The following IMMP2L variants were observed in gnomAD, a reference collection of about 807,000 sequenced individuals.
The protein encoded by IMMP2L is inner mitochondrial membrane peptidase subunit 2, also known as mitochondrial inner membrane protease subunit 2.
A neutral mutation model predicts 19.3 loss-of-function variants in IMMP2L; 18 were observed. That is an observed-to-expected ratio of 0.93 (90% CI 0.64 to 1.38). IMMP2L has a LOEUF of 1.38. Among genes scored for constraint, IMMP2L ranks in the 40% most tolerant of loss-of-function variants. The probability of loss-of-function intolerance (pLI) is 0.00; values close to 1 mark genes in which losing one functional copy is unlikely to be tolerated. For missense variants in IMMP2L, 233 were observed against 218.2 expected (o/e 1.07, Z -0.43); for synonymous variants, 76 against 73.0 (o/e 1.04, Z -0.21).
intron 3 of IMMP2L, among the ~76,000 whole-genome samples, chr7:111,090,449 C>G (rs559948322): frequency 6.6e-6 from 1 of 151,934 alleles, no homozygotes; most frequent in South Asian, 2.1e-4. Flanking sequence ...ATATGTAGCT[C>G]CTAGATTTAT....
At chr7:111,224,774 G>A (rs144632217) in intron 3 of IMMP2L, among the ~76,000 whole-genome samples, 5 of 152,236 alleles carry the variant, frequency 3.3e-5, no homozygotes, top group African/African-American at 1.2e-4. Context: ...GCACTGGTGG[G>A]AGAACTGCTA....
chr7:111,455,355 C>A (rs1484961417), intron 3 of IMMP2L, among the ~76,000 whole-genome samples: 1 of 151,680 alleles, frequency 6.6e-6, no homozygotes, highest in South Asian at 2.1e-4. Flanking sequence ...GATACCCATT[C>A]TTTTTACATT....
intron 1 of IMMP2L, among the ~76,000 whole-genome samples, chr7:111,545,322 A>AT (rs1848829199): frequency 6.6e-6 from 1 of 152,130 alleles, no homozygotes; most frequent in Admixed American, 6.6e-5. Flanking sequence ...GGCCATTTGT[A>AT]TATTTTCTTT....
chr7:110,784,415 T>C (rs1274635750), intron 5 of IMMP2L, among the ~76,000 whole-genome samples: 2 of 151,906 alleles, frequency 1.3e-5, no homozygotes, highest in African/African-American at 4.8e-5. Flanking sequence ...TCAAGACCTT[T>C]CATCTTCCAA....
intron 3 of IMMP2L, among the ~76,000 whole-genome samples, chr7:111,146,705 T>TA (rs1266233920): frequency 2.6e-5 from 4 of 151,894 alleles, no homozygotes; most frequent in Non-Finnish European, 4.4e-5. Context: ...AAAAAGATGT[T>TA]AAAAAAATAT....
In IMMP2L at chr7:111,485,426, G is replaced by A. The variant is rs369361345; in HGVS notation, c.239+1812C>T. 3.1e-4 allele frequency among the ~76,000 whole-genome samples: 47 copies of A among 151,498 alleles called. 1 individual carries two copies. Among genetic ancestry groups the A allele is most frequent in the African/African-American group, 9.9e-4 (41 of 41,326 alleles). On this transcript the variant is annotated intron_variant, in intron 3 of 5. Transcript: ENST00000405709. ...CATCGTGGCTAACACGGTGAAACCC[G>A]TCTCTACTAAAAATACAAAAAATTA...
At chr7:111,286,146 A>C (rs925780483) in intron 3 of IMMP2L, among the ~76,000 whole-genome samples, 2 of 152,162 alleles carry the variant, frequency 1.3e-5, no homozygotes, top group African/African-American at 4.8e-5. Context: ...ATAATAAGAG[A>C]AGAAGATGGA....
chr7:111,338,666 T>C (rs1351696498), intron 3 of IMMP2L, among the ~76,000 whole-genome samples: 1 of 152,110 alleles, frequency 6.6e-6, no homozygotes, highest in Non-Finnish European at 1.5e-5. Flanking sequence ...GACACTGTAG[T>C]ATATGCCTCT....
At chr7:111,205,981 A>C (rs1208228242) in intron 3 of IMMP2L, among the ~76,000 whole-genome samples, 1 of 152,236 alleles carries the variant, frequency 6.6e-6, no homozygotes, top group Non-Finnish European at 1.5e-5. Flanking sequence ...TAAGTAGAGG[A>C]CCGCCTGCAC....
At chr7:111,513,453 G>C (rs1845624514) in intron 2 of IMMP2L, among the ~76,000 whole-genome samples, 1 of 152,072 alleles carries the variant, frequency 6.6e-6, no homozygotes, top group South Asian at 2.1e-4. Flanking sequence ...AGAAATTCAA[G>C]AGATAAATGT....
intron 2 of IMMP2L, among the ~76,000 whole-genome samples, chr7:111,499,435 T>C (rs780498239): frequency 5.9e-5 from 9 of 152,094 alleles, no homozygotes; most frequent in South Asian, 2.1e-4. Flanking sequence ...ATGTTTGCAA[T>C]AGGATTCATA....
chr7:111,349,917 T>A (rs1401525821), intron 3 of IMMP2L, among the ~76,000 whole-genome samples: 1 of 151,880 alleles, frequency 6.6e-6, no homozygotes, highest in African/African-American at 2.4e-5. Flanking sequence ...ATATCATGGC[T>A]CTCATCTACT....
At chr7:111,225,310 A>G (rs1048484880) in intron 3 of IMMP2L, among the ~76,000 whole-genome samples, 3 of 152,126 alleles carry the variant, frequency 2.0e-5, no homozygotes, top group Non-Finnish European at 2.9e-5. Context: ...TTGCCACTGT[A>G]AGAGCTTACT....
chr7:110,892,147 C>G (rs912711345), intron 4 of IMMP2L, among the ~76,000 whole-genome samples: 5 of 152,110 alleles, frequency 3.3e-5, no homozygotes, highest in Admixed American at 2.6e-4. Context: ...TGTTCCCTGA[C>G]GTTCCCTTAT....
chr7:111,530,113 T>C (rs746040683), intron 1 of IMMP2L, among the ~76,000 whole-genome samples: 4 of 152,158 alleles, frequency 2.6e-5, no homozygotes, highest in Non-Finnish European at 5.9e-5. Flanking sequence ...AAGACCTCAG[T>C]TCAAATCGTG....
intron 1 of IMMP2L, among the ~76,000 whole-genome samples, chr7:111,548,889 A>G (rs141170961): frequency 6.6e-6 from 1 of 152,274 alleles, no homozygotes; most frequent in East Asian, 1.9e-4. Context: ...TTTTCTTCCT[A>G]CAAACAGGAA....
chr7:111,037,282 G>A (rs1791444836), intron 3 of IMMP2L, among the ~76,000 whole-genome samples: 1 of 152,052 alleles, frequency 6.6e-6, no homozygotes, highest in African/African-American at 2.4e-5. Context: ...GGTTTTCAAG[G>A]CAGCTGTAAA....
chr7:110,930,497 T>A (rs1815347288), intron 4 of IMMP2L, among the ~76,000 whole-genome samples: 1 of 152,172 alleles, frequency 6.6e-6, no homozygotes, highest in Admixed American at 6.6e-5. Flanking sequence ...ACACATTTAT[T>A]ATAATAGCTA....
intron 3 of IMMP2L, among the ~76,000 whole-genome samples, chr7:111,089,093 A>G (rs537604950): frequency 1.3e-5 from 2 of 152,328 alleles, no homozygotes; most frequent in South Asian, 4.1e-4. Flanking sequence ...CAAAAGAGTG[A>G]TCATTTAGTT....
Sources: allele counts gnomAD v4.1 joint callset (sites outside exome capture counted in the v4.1 genomes callset), GRCh38; gene constraint gnomAD v4.1.1; transcripts MANE v1.5; gene names NCBI Gene and HGNC (gene_info 2026-07-23, HGNC 2026-07-21).